MAGI2: variants seen among roughly 807,000 people sequenced by gnomAD.
MAGI2 encodes membrane associated guanylate kinase, WW and PDZ domain containing 2.
A neutral mutation model predicts 133.3 loss-of-function variants in MAGI2; 35 were observed. The observed-to-expected ratio is 0.26, with a 90% confidence interval of 0.20 to 0.35. MAGI2 has a LOEUF of 0.35. MAGI2 is among the 10% of genes least tolerant of loss of function. MAGI2 has a pLI of 1.00. For synonymous variants in MAGI2, 729 were observed against 710.6 expected (o/e 1.03, Z -0.41); for missense variants, 1,636 against 1,863.4 (o/e 0.88, Z 2.25).
chr7:78,228,336 A>C (rs1310078662), intron 10 of MAGI2, among the ~76,000 whole-genome samples: 1 of 152,190 alleles, frequency 6.6e-6, no homozygotes. Context: ...AGTTTATAGA[A>C]AATATAAATT....
At chr7:78,921,734 C>T (rs568779712) in intron 2 of MAGI2, among the ~76,000 whole-genome samples, 110 of 151,900 alleles carry the variant, frequency 7.2e-4, no homozygotes, top group South Asian at 1.5e-3. Flanking sequence ...TGGGTTCAAG[C>T]GATTCTCATG....
Position 78,685,922 on chromosome 7 carries a change from A to T in MAGI2, c.419-58683T>A, listed in dbSNP as rs186625341. Among the ~76,000 whole-genome samples, 288 of 151,962 alleles carry T rather than the reference A, an allele frequency of 1.9e-3. 1 individual carries two copies. Among genetic ancestry groups the T allele is most frequent in the Non-Finnish European group, 2.3e-3 (153 of 67,974 alleles). On this transcript the variant is annotated intron_variant, in intron 2 of 21. Transcript: ENST00000354212. ...CTTACGTTCAAAAAATTTCTCAAAG[A>T]AAAAGAAGTTGATGGGTTCCTGCTC...
intron 3 of MAGI2, among the ~76,000 whole-genome samples, chr7:78,624,351 A>G (rs948796460): frequency 6.6e-6 from 1 of 152,106 alleles, no homozygotes; most frequent in Non-Finnish European, 1.5e-5. Context: ...TTTTGTTGCA[A>G]TTGCTTTTGG....
At chr7:79,420,179 C>T (rs566007566) in intron 1 of MAGI2, among the ~76,000 whole-genome samples, 1 of 152,134 alleles carries the variant, frequency 6.6e-6, no homozygotes, top group African/African-American at 2.4e-5. Flanking sequence ...ATCAACTGAC[C>T]TTTCAACAAC....
At chr7:79,378,947 T>A (rs1467730187) in intron 1 of MAGI2, among the ~76,000 whole-genome samples, 1 of 59,202 alleles carries the variant, frequency 1.7e-5, no homozygotes, top group African/African-American at 8.5e-5. Flanking sequence ...TATATATATA[T>A]ATATATATAT....
chr7:79,369,554 T>C (rs1404672682), intron 1 of MAGI2, among the ~76,000 whole-genome samples: 1 of 152,204 alleles, frequency 6.6e-6, no homozygotes, highest in Non-Finnish European at 1.5e-5. Context: ...ATGAAGACAG[T>C]AGCAGGCATT....
At chr7:78,909,539 C>T (rs1046856883) in intron 2 of MAGI2, among the ~76,000 whole-genome samples, 1 of 140,182 alleles carries the variant, frequency 7.1e-6, no homozygotes, top group Non-Finnish European at 1.5e-5. Flanking sequence ...GGAGGCGGAG[C>T]TTGCAGTGAG....
At chr7:78,094,254 T>G (rs1817506347) in intron 20 of MAGI2, among the ~76,000 whole-genome samples, 1 of 152,222 alleles carries the variant, frequency 6.6e-6, no homozygotes, top group South Asian at 2.1e-4. Flanking sequence ...GTCCATGTAT[T>G]TTAATTCCTT....
intron 21 of MAGI2, among the ~76,000 whole-genome samples, chr7:78,044,995 C>T (rs188309815): frequency 1.3e-5 from 2 of 152,146 alleles, no homozygotes; most frequent in Non-Finnish European, 2.9e-5. Context: ...GGTGAAACCC[C>T]GTCTCTACTA....
rs142253675 is a variant in MAGI2, at chr7:79,201,700, C to T, written c.302-194494G>A. On this transcript the variant is annotated intron_variant, in intron 1 of 21. Transcript: ENST00000354212. ...CTAAATCGTTGTGCTCAGAAAAACTCCCTTTTTAAAATATTAGTATTCTGT... is the reference window on the plus strand; with the variant it reads ...CTAAATCGTTGTGCTCAGAAAAACTTCCTTTTTAAAATATTAGTATTCTGT... 6.5e-4 allele frequency among the ~76,000 whole-genome samples: 98 copies of T among 151,834 alleles called. 2 individuals are homozygous for T. Among genetic ancestry groups the T allele is most frequent in the African/African-American group, 2.2e-3 (90 of 41,274 alleles).
intron 1 of MAGI2, among the ~76,000 whole-genome samples, chr7:79,135,303 G>T (rs891940671): frequency 1.3e-5 from 2 of 152,132 alleles, no homozygotes; most frequent in African/African-American, 4.8e-5. Context: ...AAATATCAAT[G>T]ATCAGATTAT....
chr7:78,219,838 G>C (rs10228908), intron 10 of MAGI2, among the ~76,000 whole-genome samples: 1 of 152,040 alleles, frequency 6.6e-6, no homozygotes, highest in African/African-American at 2.4e-5. Flanking sequence ...ATTTGATTCA[G>C]AGCCCCAGTA....
chr7:78,528,123 G>GAT (rs1244322350), intron 3 of MAGI2, among the ~76,000 whole-genome samples: 4 of 152,320 alleles, frequency 2.6e-5, no homozygotes, highest in African/African-American at 9.6e-5. Flanking sequence ...AGAGCTTGAG[G>GAT]ATATGTCTTC....
At chr7:79,361,516 A>C (rs1278724203) in intron 1 of MAGI2, among the ~76,000 whole-genome samples, 1 of 152,150 alleles carries the variant, frequency 6.6e-6, no homozygotes, top group Non-Finnish European at 1.5e-5. Flanking sequence ...ATAAAAACCC[A>C]AGACCTTAGC....
chr7:79,441,890 G>A (rs961565934), intron 1 of MAGI2, among the ~76,000 whole-genome samples: 2 of 151,808 alleles, frequency 1.3e-5, no homozygotes, highest in Non-Finnish European at 2.9e-5. Context: ...TTGAAAGCAG[G>A]TCTCTCATTT....
chr7:78,460,749 A>T (rs1789889996), intron 6 of MAGI2, among the ~76,000 whole-genome samples: 1 of 152,178 alleles, frequency 6.6e-6, no homozygotes, highest in African/African-American at 2.4e-5. Context: ...GGAGGTTGCT[A>T]AGTGAAAATG....
intron 6 of MAGI2, among the ~76,000 whole-genome samples, chr7:78,476,278 G>C (rs535364053): frequency 5.3e-5 from 8 of 151,990 alleles, no homozygotes; most frequent in African/African-American, 1.7e-4. Flanking sequence ...CACTGGGCTG[G>C]GGTTGAGAGT....
intron 1 of MAGI2, among the ~76,000 whole-genome samples, chr7:79,020,822 C>A (rs1457088660): frequency 1.3e-5 from 2 of 150,804 alleles, no homozygotes; most frequent in Non-Finnish European, 3.0e-5. Context: ...ATCGCCAAGA[C>A]AATGGGGAAA....
At position 78,273,032 on chromosome 7, in the gene MAGI2, G is replaced by T. The variant is rs936157956; in HGVS notation, c.1409-16451C>A. On this transcript the variant is annotated intron_variant, in intron 9 of 21. Transcript: ENST00000354212. ...CGTTTGTTGATGCAGTTTCTTCATAGTGTCAATGGTCTTTACAATTTGGCA... is the reference window on the plus strand; with the variant it reads ...CGTTTGTTGATGCAGTTTCTTCATATTGTCAATGGTCTTTACAATTTGGCA... Among the ~76,000 whole-genome samples, 4 of 152,190 alleles carry T rather than the reference G, an allele frequency of 2.6e-5. No individual in the cohort carries two copies. In the East Asian group the frequency reaches 7.7e-4, roughly 29 times the overall value.
Sources: gnomAD v4.1 joint callset for allele counts (sites outside exome capture counted in the v4.1 genomes callset) on GRCh38, gnomAD v4.1.1 for gene constraint, MANE v1.5 for transcripts, NCBI Gene and HGNC (gene_info 2026-07-23, HGNC 2026-07-21) for gene names.